TMEM123: variants seen among roughly 807,000 people sequenced by gnomAD.
TMEM123 encodes porimin.
Under a neutral mutation model 19.7 loss-of-function variants are expected in TMEM123, and 16 were observed. The ratio of observed to expected loss-of-function variants is 0.81; its 90% confidence interval spans 0.55 to 1.23. The LOEUF (loss-of-function observed/expected upper bound fraction) is 1.23. Ranked by LOEUF, TMEM123 falls within the 50% of genes most tolerant of loss-of-function variation. The pLI is 0.00. For missense variants in TMEM123, 313 were observed against 257.8 expected (o/e 1.21, Z -1.47); for synonymous variants, 118 against 99.4 (o/e 1.19, Z -1.12).
chr11:102,422,878 T>C (rs1952098314), intron 2 of TMEM123, among the ~76,000 whole-genome samples: 1 of 152,224 alleles, frequency 6.6e-6, no homozygotes, highest in Admixed American at 6.5e-5. Context: ...TCTGGCATCA[T>C]GCAATGATTA....
chr11:102,435,060 C>T (rs1000948725), intron 2 of TMEM123, among the ~76,000 whole-genome samples: 1 of 151,868 alleles, frequency 6.6e-6, no homozygotes, highest in Non-Finnish European at 1.5e-5. Context: ...CTACAACGGG[C>T]TGGGCACAGT....
At chr11:102,447,750 C>T (rs1857899095) in intron 2 of TMEM123, among the ~76,000 whole-genome samples, 1 of 152,132 alleles carries the variant, frequency 6.6e-6, no homozygotes, top group Non-Finnish European at 1.5e-5. Flanking sequence ...AAAACGTTTT[C>T]TGTAGAATTA....
chr11:102,404,969 G>A (rs760263471), intron 2 of TMEM123, among the ~76,000 whole-genome samples: 7 of 151,994 alleles, frequency 4.6e-5, no homozygotes, highest in Non-Finnish European at 8.8e-5. Context: ...CTTGCATATC[G>A]GGTTTTACTA....
At chr11:102,421,271 C>T (rs557343391) in intron 2 of TMEM123, among the ~76,000 whole-genome samples, 1 of 152,166 alleles carries the variant, frequency 6.6e-6, no homozygotes, top group East Asian at 1.9e-4. Context: ...ACTTCTCATA[C>T]TCTAAAATAT....
intron 2 of TMEM123, chr11:102,448,228 A>T (rs1161117222): frequency 2.2e-6 from 1 of 456,102 alleles, no homozygotes; most frequent in East Asian, 6.9e-5. Context: ...TGTTTACAAG[A>T]AACGTACCTT....
chr11:102,441,021 C>T (rs1302817432), intron 2 of TMEM123, among the ~76,000 whole-genome samples: 2 of 152,160 alleles, frequency 1.3e-5, no homozygotes, highest in Non-Finnish European at 2.9e-5. Context: ...GCACCCAATA[C>T]AGGAGCACCC....
chr11:102,401,981 A>G lies in TMEM123; in HGVS notation c.383T>C (p.Ile128Thr), dbSNP rs769549099. The G allele has an allele frequency of 1.9e-6, 3 of 1,614,214 alleles. No individual in the cohort carries two copies. The South Asian group carries it at 3.3e-5, about 18-fold the overall frequency. ...GGTTACGGTCATTGTGGATGTTGAT[A>G]TCTGAGATGTGTTCTGTGAAACACT... is the stretch of plus-strand genomic sequence containing the variant. ...TTSVSQNTSQ[I>T]STSTMTVTHN... is the part of the protein sequence containing the mutation. The change falls in exon 3 of 5, where the codon ATA becomes ACA. Residue 128 changes from isoleucine (I) to threonine (T), a missense_variant. By Grantham distance (89) the Ile-to-Thr change is moderately conservative. Coordinates refer to ENST00000398136, the MANE Select transcript of TMEM123 (RefSeq NM_052932.3).
rs75120163 is a variant in TMEM123, at chr11:102,411,485, G to A, written c.158-9279C>T. The stretch of plus-strand genomic sequence containing the variant: ...GCAAATTATCTAACCCAAGGAGGGG[G>A]TTATGGGAAAGCCTGATTTATAGTT... On this transcript the variant is annotated intron_variant, in intron 2 of 4. Transcript: ENST00000398136. Among the ~76,000 whole-genome samples, 309 of 152,318 alleles carry A rather than the reference G, an allele frequency of 2.0e-3. 6 individuals carry two copies. The East Asian group carries it at 0.053, about 26-fold the overall frequency.
intron 2 of TMEM123, among the ~76,000 whole-genome samples, chr11:102,406,481 T>C (rs1175092507): frequency 6.6e-6 from 1 of 152,186 alleles, no homozygotes; most frequent in Non-Finnish European, 1.5e-5. Flanking sequence ...AAGGCTGCAC[T>C]GGGAGTAGAC....
intron 2 of TMEM123, among the ~76,000 whole-genome samples, chr11:102,424,947 A>G (rs1317753175): frequency 6.6e-6 from 1 of 152,226 alleles, no homozygotes. Flanking sequence ...AAAGACAAAA[A>G]TATGTTTTTA....
At chr11:102,426,665 G>A (rs1232560487) in intron 2 of TMEM123, among the ~76,000 whole-genome samples, 1 of 152,074 alleles carries the variant, frequency 6.6e-6, no homozygotes, top group Non-Finnish European at 1.5e-5. Context: ...TAAAGAGGCT[G>A]CTATGTAAGT....
intron 2 of TMEM123, among the ~76,000 whole-genome samples, chr11:102,443,697 G>A (rs1212844896): frequency 6.6e-6 from 1 of 152,054 alleles, no homozygotes; most frequent in Non-Finnish European, 1.5e-5. Context: ...TAGACGAATG[G>A]GATCTAATTA....
At chr11:102,437,574 G>A (rs941848977) in intron 2 of TMEM123, among the ~76,000 whole-genome samples, 2 of 152,066 alleles carry the variant, frequency 1.3e-5, no homozygotes, top group Admixed American at 1.3e-4. Context: ...CATTTAATTT[G>A]GGTCCTATTT....
At chr11:102,420,278 A>G (rs1952075537) in intron 2 of TMEM123, among the ~76,000 whole-genome samples, 1 of 152,110 alleles carries the variant, frequency 6.6e-6, no homozygotes, top group South Asian at 2.1e-4. Flanking sequence ...ATTCCTCACT[A>G]TTCTTATCAG....
chr11:102,405,118 A>G (rs1203202101), intron 2 of TMEM123, among the ~76,000 whole-genome samples: 1 of 148,160 alleles, frequency 6.7e-6, no homozygotes, highest in Non-Finnish European at 1.5e-5. Flanking sequence ...GCGTGATCTC[A>G]GCTCATTGCA....
At chr11:102,447,471 A>G (rs1374731582) in intron 2 of TMEM123, among the ~76,000 whole-genome samples, 1 of 152,172 alleles carries the variant, frequency 6.6e-6, no homozygotes, top group Non-Finnish European at 1.5e-5. Context: ...CTGTTAAATT[A>G]GTAAATGTAT....
chr11:102,429,128 G>A (rs2135856635), intron 2 of TMEM123, among the ~76,000 whole-genome samples: 1 of 152,070 alleles, frequency 6.6e-6, no homozygotes, highest in African/African-American at 2.4e-5. Flanking sequence ...AGCCTCCTCA[G>A]GAGATTTGTT....
At chr11:102,400,163 T>C (rs1371099639) in intron 4 of TMEM123, among the ~76,000 whole-genome samples, 4 of 152,226 alleles carry the variant, frequency 2.6e-5, no homozygotes, top group Non-Finnish European at 5.9e-5. Flanking sequence ...CTGAATCATA[T>C]GTAGTGTCAA....
chr11:102,446,295 T>G (rs1321641079), intron 2 of TMEM123, among the ~76,000 whole-genome samples: 1 of 152,232 alleles, frequency 6.6e-6, no homozygotes, highest in Non-Finnish European at 1.5e-5. Context: ...ATTTTCTATA[T>G]AAGCTGAAAG....
Sources: gnomAD v4.1 joint callset for allele counts (sites outside exome capture counted in the v4.1 genomes callset) on GRCh38, gnomAD v4.1.1 for gene constraint, MANE v1.5 for transcripts, NCBI Gene and HGNC (gene_info 2026-07-23, HGNC 2026-07-21) for gene names.